PCDHGA10: variants seen among roughly 807,000 people sequenced by gnomAD.
PCDHGA10 encodes the protein protocadherin gamma subfamily A, 10, also known as protocadherin gamma-A10.
A neutral mutation model predicts 59.5 loss-of-function variants in PCDHGA10; 42 were observed. The observed-to-expected ratio is 0.71, with a 90% CI of 0.55 to 0.91. The LOEUF (loss-of-function observed/expected upper bound fraction) is 0.91. Among genes scored for constraint, PCDHGA10 ranks in the 40% least tolerant of loss-of-function variants. PCDHGA10 has a pLI of 0.00. For synonymous variants in PCDHGA10, 511 were observed against 517.2 expected, an observed-to-expected ratio of 0.99 and a Z score of 0.16; for missense variants, 1,111 against 1,198.2, an observed-to-expected ratio of 0.93 and a Z score of 1.07.
At chr5:141,473,988 G>C (rs1006988447) in intron 1 of PCDHGA10, among the ~76,000 whole-genome samples, 8 of 152,118 alleles carry the variant, frequency 5.3e-5, no homozygotes, top group Non-Finnish European at 4.4e-5. Context: ...AGGATCCCTT[G>C]AGCCCAAGGA....
chr5:141,506,266 T>A (rs1397052417), intron 3 of PCDHGA10, among the ~76,000 whole-genome samples: 1 of 151,862 alleles, frequency 6.6e-6, no homozygotes, highest in Non-Finnish European at 1.5e-5. Context: ...CTGGCCAACA[T>A]AGTGAAACCC....
chr5:141,426,238 T>C, intron 1 of PCDHGA10: 1 of 158,644 alleles, frequency 6.3e-6, no homozygotes, highest in Admixed American at 5.9e-5. Context: ...AAGCACTTTG[T>C]GAAACATTTT....
chr5:141,494,468 C>G (rs2099754577), intron 1 of PCDHGA10, among the ~76,000 whole-genome samples: 1 of 152,136 alleles, frequency 6.6e-6, no homozygotes, highest in East Asian at 1.9e-4. Context: ...TGCACCTCTT[C>G]CCCCAGTTCC....
Position 141,431,137 on chromosome 5 carries a change from T to G in PCDHGA10, c.2436+15526T>G. 3 of 1,614,212 alleles carry G rather than the reference T, an allele frequency of 1.9e-6. No individual in the cohort carries two copies. The highest frequency in any genetic ancestry group is 2.2e-5 in the South Asian group (2 of 91,084). On this transcript the variant is annotated intron_variant, in intron 1 of 3. Coordinates refer to ENST00000398610, the MANE Select transcript of PCDHGA10 (RefSeq NM_018913.3). This position sits in a 1 kb window ranked among gnomAD's most constrained non-coding sequence, Gnocchi z 4.8. Reference sequence around the variant, plus strand: ...GAGTAGAAGTAGAAGTAAGGGACATTAACGACAATGCGCCTTACTTTCGTG... The same window carrying G: ...GAGTAGAAGTAGAAGTAAGGGACATGAACGACAATGCGCCTTACTTTCGTG...
intron 1 of PCDHGA10, 31 bp downstream of exon 1, chr5:141,415,642 A>T (rs1418546981): frequency 6.0e-6 from 5 of 831,836 alleles, no homozygotes; most frequent in Middle Eastern, 2.6e-4. Flanking sequence ...TACTTTTGTT[A>T]AAAAAAAAAA....
chr5:141,489,096 ACT>A lies in PCDHGA10; in HGVS notation c.2437-5710_2437-5709del. The A allele has an allele frequency of 2.0e-6, 1 of 494,278 alleles. No individual in the cohort carries two copies. The allele number at this position is 494,278 out of a possible 1,614,324, so 30.6% of individuals were successfully genotyped here. A position where few individuals can be genotyped will look rare whatever the true frequency, so the allele number is the denominator to read the frequency against. ...CACCCCCGCCACTCGGTGACTAAGA[ACT>A]GCTGCAAGCAGGCAAACCTCCGAGC... On this transcript the variant is annotated intron_variant, in intron 1 of 3. Coordinates refer to ENST00000398610, the MANE Select transcript of PCDHGA10 (RefSeq NM_018913.3). The surrounding 1 kb of genome is among the most constrained non-coding windows in gnomAD (Gnocchi z 4.5).
At position 141,486,994 on chromosome 5, in the gene PCDHGA10, C is replaced by G. The variant is rs779792543; in HGVS notation, c.2437-7813C>G. ...ATTCAGGTTACAATGCTTGGGTTTC[C>G]TATCAGCTCCTGGAGGCCCCAGATC... On this transcript the variant is annotated intron_variant, in intron 1 of 3. Coordinates refer to ENST00000398610, the MANE Select transcript of PCDHGA10 (RefSeq NM_018913.3). The surrounding 1 kb of genome is among the most constrained non-coding windows in gnomAD (Gnocchi z 5.0). 3 of 1,614,214 alleles carry G rather than the reference C, an allele frequency of 1.9e-6. No individual in the cohort carries two copies. Among genetic ancestry groups the G allele is most frequent in the Admixed American group, 1.7e-5 (1 of 60,030 alleles).
At chr5:141,421,993 A>G in intron 1 of PCDHGA10, 1 of 1,609,190 alleles carries the variant, frequency 6.2e-7, no homozygotes, top group South Asian at 1.1e-5. Flanking sequence ...TCCAGAAAAC[A>G]TCAGCTCCGG....
Position 141,485,392 on chromosome 5 carries a change from A to G in PCDHGA10, c.2437-9415A>G. ...AGGTCGCTGGAGAGGTGAACCAAAG[A>G]CACTTCCGTGTGGATTTGGACAGCG... On this transcript the variant is annotated intron_variant, in intron 1 of 3. Coordinates refer to ENST00000398610, the MANE Select transcript of PCDHGA10 (RefSeq NM_018913.3). This position sits in a 1 kb window ranked among gnomAD's most constrained non-coding sequence, Gnocchi z 5.7. 1 of 1,613,918 alleles carries G rather than the reference A, an allele frequency of 6.2e-7. No homozygotes were observed. The highest frequency in any genetic ancestry group is 8.5e-7 in the Non-Finnish European group (1 of 1,179,938).
chr5:141,443,136 C>T (rs910953831), intron 1 of PCDHGA10, among the ~76,000 whole-genome samples: 1 of 152,160 alleles, frequency 6.6e-6, no homozygotes, highest in African/African-American at 2.4e-5. Context: ...AGAACACTAT[C>T]ATAAGTTATA....
At chr5:141,425,429 A>G in intron 1 of PCDHGA10, among the ~76,000 whole-genome samples, 1 of 152,254 alleles carries the variant, frequency 6.6e-6, no homozygotes, top group East Asian at 1.9e-4. Flanking sequence ...CCCATTAAAT[A>G]GAGGATAAAA....
At position 141,485,671 on chromosome 5, in the gene PCDHGA10, G is replaced by T; in HGVS notation, c.2437-9136G>T. On this transcript the variant is annotated intron_variant, in intron 1 of 3. Coordinates refer to ENST00000398610, the MANE Select transcript of PCDHGA10 (RefSeq NM_018913.3). This position sits in a 1 kb window ranked among gnomAD's most constrained non-coding sequence, Gnocchi z 5.7. The stretch of plus-strand genomic sequence containing the variant: ...AGGATGCAGATGTGGGGAGCAATTC[G>T]ATTAGCAGCTATAGGCTGAGCTCCA... 6.2e-7 allele frequency: 1 copy of T among 1,612,860 alleles called. No homozygotes were observed. The highest frequency in any genetic ancestry group is 8.5e-7 in the Non-Finnish European group (1 of 1,179,040).
intron 1 of PCDHGA10, among the ~76,000 whole-genome samples, chr5:141,456,690 C>T (rs893478646): frequency 7.2e-5 from 11 of 152,218 alleles, no homozygotes; most frequent in Admixed American, 5.2e-4. Flanking sequence ...ACTGGCCAGG[C>T]GTGGTGGCTC....
chr5:141,427,606 G>A (rs965315804), intron 1 of PCDHGA10: 2 of 688,192 alleles, frequency 2.9e-6, no homozygotes, highest in African/African-American at 3.5e-5. Flanking sequence ...CTACGCATTG[G>A]TGAAGTCAAC....
At chr5:141,423,750 TGGGGGGGG>T in intron 1 of PCDHGA10, 1 of 287,524 alleles carries the variant, frequency 3.5e-6, no homozygotes, top group Non-Finnish European at 4.5e-6. Flanking sequence ...GAAAACTGTT[TGGGGGGGG>T]GGTGGGGCGG....
intron 1 of PCDHGA10, chr5:141,420,410 A>G (rs2096494809): frequency 2.4e-6 from 3 of 1,236,296 alleles, no homozygotes; most frequent in South Asian, 4.4e-5. Flanking sequence ...TATGGTTATC[A>G]TTATTAAAAC....
chr5:141,461,423 C>T lies in PCDHGA10; in HGVS notation c.2437-33384C>T, dbSNP rs1005977255. 3.9e-5 allele frequency among the ~76,000 whole-genome samples: 6 copies of T among 151,938 alleles called. No individual in the cohort carries two copies. In the South Asian group the frequency reaches 6.2e-4, roughly 16 times the overall value. On this transcript the variant is annotated intron_variant, in intron 1 of 3. Coordinates refer to ENST00000398610, the MANE Select transcript of PCDHGA10 (RefSeq NM_018913.3). ...AGCATTTTTTCATATGTTTGTGGGC[C>T]ATTTGTATACCTTCTTTTGAGAAAT... is the stretch of plus-strand genomic sequence containing the variant.
chr5:141,469,036 G>T (rs1396748159), intron 1 of PCDHGA10, among the ~76,000 whole-genome samples: 2 of 152,076 alleles, frequency 1.3e-5, no homozygotes, highest in Non-Finnish European at 2.9e-5. Flanking sequence ...CAGCACTTTG[G>T]GAGGCCAAGG....
At position 141,422,330 on chromosome 5, in the gene PCDHGA10, C is replaced by T. The variant is rs200342957; in HGVS notation, c.2436+6719C>T. 1,454 of 1,548,164 alleles carry T rather than the reference C, an allele frequency of 9.4e-4. 3 individuals carry two copies. The highest frequency in any genetic ancestry group is 7.9e-4 in the Non-Finnish European group (910 of 1,153,526). On this transcript the variant is annotated intron_variant, in intron 1 of 3. Transcript: ENST00000398610. The stretch of plus-strand genomic sequence containing the variant: ...AACTCTCCTCCAGGTACAGTGATTG[C>T]TCTTCTAAATGTGCAAGATCAAGAT...
Sources: gnomAD v4.1 joint callset for allele counts (sites outside exome capture counted in the v4.1 genomes callset) on GRCh38, gnomAD v4.1.1 for gene constraint, Gnocchi (gnomAD v3.1) non-coding constraint, MANE v1.5 for transcripts, NCBI Gene and HGNC (gene_info 2026-07-23, HGNC 2026-07-21) for gene names.